The following TNS1 variants were observed in gnomAD, a reference collection of about 807,000 sequenced individuals.
The protein encoded by TNS1 is tensin-1.
A neutral mutation model predicts 168.6 loss-of-function variants in TNS1; 62 were observed. That is an observed-to-expected ratio of 0.37 (90% CI 0.30 to 0.45). The LOEUF (loss-of-function observed/expected upper bound fraction) is 0.45. Among genes scored for constraint, TNS1 ranks in the 20% least tolerant of loss-of-function variants. TNS1 has a pLI of 1.00. For synonymous variants in TNS1, 934 were observed against 933.2 expected (o/e 1.00, Z -0.02); for missense variants, 2,240 against 2,339.4 (o/e 0.96, Z 0.88).
Position 217,986,962 on chromosome 2 carries a change from A to G in TNS1, c.148+3980T>C, listed in dbSNP as rs1240049850. 6.6e-6 allele frequency: 1 copy of G among 152,206 alleles called. No homozygotes were observed. Among genetic ancestry groups the G allele is most frequent in the East Asian group, 1.9e-4 (1 of 5,176 alleles). The allele number at this position is 152,206 out of a possible 1,614,324, so 9.4% of individuals were successfully genotyped here. On this transcript the variant is annotated intron_variant, in intron 2 of 32. Transcript: ENST00000682258. This position sits in a 1 kb window ranked among gnomAD's most constrained non-coding sequence, Gnocchi z 4.7. ...AGCAGCAGCCTGCGTGGGGGAAGCTATCCTACCTCTGCAGACTCCAACCAG... is the reference window on the plus strand; with the variant it reads ...AGCAGCAGCCTGCGTGGGGGAAGCTGTCCTACCTCTGCAGACTCCAACCAG...
At chr2:218,010,726 AG>A (rs1958698893), upstream of TNS1, among the ~76,000 whole-genome samples, 2 of 151,954 alleles carry the variant, frequency 1.3e-5, no homozygotes, top group Non-Finnish European at 2.9e-5. Context: ...TCCTGGCTGC[AG>A]TGAGGGTGTG....
In TNS1 at chr2:217,813,524, A is replaced by T. The variant is rs2125120644; in HGVS notation, c.4861+161T>A. ...AGGCACCCAATCGTCCTGCTTTCCC[A>T]ATCTCTGACCTCAACCATCACCAAG... On this transcript the variant is annotated intron_variant, in intron 26 of 32. Coordinates refer to ENST00000682258, the MANE Select transcript of TNS1 (RefSeq NM_001387777.1). The surrounding 1 kb of genome is among the most constrained non-coding windows in gnomAD (Gnocchi z 4.0). 6.6e-6 allele frequency among the ~76,000 whole-genome samples: 1 copy of T among 152,190 alleles called. No individual in the cohort carries two copies. Among genetic ancestry groups the T allele is most frequent in the South Asian group, 2.1e-4 (1 of 4,822 alleles).
At chr2:217,921,629 C>T (rs1955707514) in intron 3 of TNS1, among the ~76,000 whole-genome samples, 1 of 152,188 alleles carries the variant, frequency 6.6e-6, no homozygotes, top group Non-Finnish European at 1.5e-5. Flanking sequence ...GGGCTACAGA[C>T]TCCCTGCCCA....
At chr2:217,864,527 A>G (rs1319505743) in intron 18 of TNS1, among the ~76,000 whole-genome samples, 1 of 152,224 alleles carries the variant, frequency 6.6e-6, no homozygotes, top group Non-Finnish European at 1.5e-5. Context: ...ACAAGAAAGG[A>G]GATGGAGGAG....
chr2:217,910,407 G>A (rs112328808), intron 4 of TNS1, among the ~76,000 whole-genome samples: 3 of 151,952 alleles, frequency 2.0e-5, no homozygotes, highest in Non-Finnish European at 4.4e-5. Flanking sequence ...CATGCTGCCC[G>A]ACCCTCCTCT....
intron 1 of TNS1, among the ~76,000 whole-genome samples, chr2:217,999,752 T>C (rs1415445602): frequency 6.6e-6 from 1 of 152,212 alleles, no homozygotes; most frequent in Non-Finnish European, 1.5e-5. Flanking sequence ...TGAGGACCCT[T>C]CTGTCAAAAA....
chr2:217,854,257 G>A (rs1158926320), intron 18 of TNS1, among the ~76,000 whole-genome samples: 1 of 152,178 alleles, frequency 6.6e-6, no homozygotes, highest in Non-Finnish European at 1.5e-5. Context: ...TGCTTATTTA[G>A]ATGTTAGGAC....
chr2:217,809,819 T>G lies in TNS1; in HGVS notation c.5273+4A>C, dbSNP rs1218253353. 6.2e-7 allele frequency: 1 copy of G among 1,612,056 alleles called. No individual in the cohort carries two copies. Among genetic ancestry groups the G allele is most frequent in the East Asian group, 2.2e-5 (1 of 44,828 alleles). ...CCACCGAGGAGCAGGCAGGGGAGTC[T>G]TACTTTCTCTGGTTGTCAGTCAGAG... is the stretch of plus-strand genomic sequence containing the variant. On this transcript the variant is annotated splice_donor_region_variant and intron_variant, in intron 30 of 32. Coordinates refer to ENST00000682258, the MANE Select transcript of TNS1 (RefSeq NM_001387777.1).
Position 217,882,423 on chromosome 2 carries a change from G to T in TNS1, c.1247-12C>A. ...TGGAAATCGATCATCTGGAAAAAGA[G>T]AAGGAAAAATAAAAATAGGCAAAAA... On this transcript the variant is annotated splice_polypyrimidine_tract_variant and intron_variant, in intron 16 of 32. Coordinates refer to ENST00000682258, the MANE Select transcript of TNS1 (RefSeq NM_001387777.1). The T allele has an allele frequency of 6.3e-7, 1 of 1,584,326 alleles. No individual in the cohort carries two copies. The highest frequency in any genetic ancestry group is 1.2e-5 in the South Asian group (1 of 84,700).
At chr2:218,010,318 G>A (rs897640937) in exon 1 of TNS1, 1 of 396,364 alleles carries the variant, frequency 2.5e-6, no homozygotes, top group Non-Finnish European at 4.5e-6. Flanking sequence ...ACCCTGTCCC[G>A]GGTCTCCCGG....
chr2:217,980,506 C>CAGAGAG lies in TNS1; in HGVS notation c.149-1710_149-1705dup, dbSNP rs3842558. On this transcript the variant is annotated intron_variant, in intron 2 of 32. Transcript: ENST00000682258. ...CCTCTCTCTCTCTCCTACACACACACAGAGAGAGAGAGAGAGAGAGAGAGA... is the reference window on the plus strand; with the variant it reads ...CCTCTCTCTCTCTCCTACACACACACAGAGAGAGAGAGAGAGAGAGAGAGAGAGAGA... Among the ~76,000 whole-genome samples the CAGAGAG allele has an allele frequency of 1.8e-3, 217 of 117,604 alleles. 2 individuals are homozygous for CAGAGAG. The highest frequency in any genetic ancestry group is 7.4e-3 in the East Asian group (35 of 4,732). 77.2% of individuals were successfully genotyped at this position (117,604 alleles called of 152,430 possible).
At chr2:217,885,407 C>T (rs975747302) in intron 15 of TNS1, among the ~76,000 whole-genome samples, 1 of 152,240 alleles carries the variant, frequency 6.6e-6, no homozygotes, top group Non-Finnish European at 1.5e-5. Context: ...TTTCTACATA[C>T]AAGTCAGAGT....
chr2:217,805,113 TG>T (rs1042344957), intron 32 of TNS1, among the ~76,000 whole-genome samples: 60 of 151,142 alleles, frequency 4.0e-4, no homozygotes, highest in African/African-American at 1.4e-3. Flanking sequence ...TTATTCTTCC[TG>T]GGCTCAAGAA....
At chr2:217,930,285 G>A (rs954580228) in intron 3 of TNS1, among the ~76,000 whole-genome samples, 5 of 152,322 alleles carry the variant, frequency 3.3e-5, no homozygotes, top group African/African-American at 9.6e-5. Context: ...GTTCTGCCGC[G>A]GCTGTGTCCG....
chr2:217,991,723 C>A (rs143700752), intron 1 of TNS1, among the ~76,000 whole-genome samples: 223 of 152,246 alleles, frequency 1.5e-3, no homozygotes, highest in African/African-American at 5.1e-3. Context: ...TGGGCCTTCG[C>A]TTCTCTAACC....
intron 1 of TNS1, among the ~76,000 whole-genome samples, chr2:218,015,805 A>T (rs920062976): frequency 6.6e-6 from 1 of 152,152 alleles, no homozygotes; most frequent in Non-Finnish European, 1.5e-5. Flanking sequence ...TGGGGATCCC[A>T]CAGGCCAGAG....
chr2:218,022,734 C>T (rs539036459), intron 1 of TNS1, among the ~76,000 whole-genome samples: 1 of 146,598 alleles, frequency 6.8e-6, no homozygotes, highest in East Asian at 2.0e-4. Context: ...GCCATTCTCA[C>T]AGCCCAGAGG....
At chr2:217,942,524 G>A (rs1956965065) in intron 3 of TNS1, among the ~76,000 whole-genome samples, 1 of 152,202 alleles carries the variant, frequency 6.6e-6, no homozygotes, top group African/African-American at 2.4e-5. Flanking sequence ...AAGGAGAGCT[G>A]TATTCAGGCT....
rs1941085336 is a variant in TNS1 at position 217,812,395 on chromosome 2, G to T, written c.5005C>A (p.Pro1669Thr). Residue 1669 changes from proline to threonine, a missense_variant, in exon 28 of 33, where the codon CCT becomes ACT. Coordinates refer to ENST00000682258, the MANE Select transcript of TNS1 (RefSeq NM_001387777.1). ...CGGTTTGGAATGACCAGCTTGCAAG[G>T]CAGGGCCAATGGGATGATGGAGTGC... is the stretch of plus-strand genomic sequence containing the variant. ...YQHSIIPLAL[P>T]CKLVIPNRDP... 2 of 1,614,104 alleles carry T rather than the reference G, an allele frequency of 1.2e-6. No homozygotes were observed. The highest frequency in any genetic ancestry group is 2.2e-5 in the East Asian group (1 of 44,874).
Sources: allele counts gnomAD v4.1 joint callset (sites outside exome capture counted in the v4.1 genomes callset), GRCh38; gene constraint gnomAD v4.1.1; non-coding constraint Gnocchi (gnomAD v3.1); transcripts MANE v1.5; gene names NCBI Gene and HGNC (gene_info 2026-07-23, HGNC 2026-07-21).